Variants in PARD3B observed in about 807,000 individuals in gnomAD.
PARD3B encodes the protein par-3 family cell polarity regulator beta, also known as partitioning defective 3 homolog B.
A neutral mutation model predicts 130.2 loss-of-function variants in PARD3B; 103 were observed. The ratio of observed to expected loss-of-function variants is 0.79; its 90% CI spans 0.67 to 0.93. The LOEUF (loss-of-function observed/expected upper bound fraction) is 0.93. PARD3B is among the 40% of genes least tolerant of loss of function. The pLI is 0.00. For missense variants in PARD3B, 1,609 were observed against 1,499.2 expected, an observed-to-expected ratio of 1.07 and a Z score of -1.21; for synonymous variants, 583 against 553.2, an observed-to-expected ratio of 1.05 and a Z score of -0.76.
At chr2:204,684,817 C>T (rs546680834) in intron 1 of PARD3B, among the ~76,000 whole-genome samples, 1 of 152,150 alleles carries the variant, frequency 6.6e-6, no homozygotes, top group African/African-American at 2.4e-5. Context: ...CCTATAAACT[C>T]AGTATTAGAA....
chr2:204,573,748 TCTC>T (rs2032119749), intron 1 of PARD3B, among the ~76,000 whole-genome samples: 2 of 152,058 alleles, frequency 1.3e-5, no homozygotes, highest in Non-Finnish European at 2.9e-5. Flanking sequence ...GCCTTGCTCT[TCTC>T]CTTTCATTTT....
At position 204,606,963 on chromosome 2, in the gene PARD3B, A is replaced by G. The variant is rs1395677491; in HGVS notation, c.120+60844A>G. Among the ~76,000 whole-genome samples, 1 of 152,074 alleles carries G rather than the reference A, an allele frequency of 6.6e-6. No individual in the cohort carries two copies. Among genetic ancestry groups the G allele is most frequent in the East Asian group, 1.9e-4 (1 of 5,178 alleles). Reference sequence around the variant, plus strand: ...TTAAAGAAAGACATTGTTTTCTTGCACCTGTCCTCCACTTTGATTCTTGCT... The same window carrying G: ...TTAAAGAAAGACATTGTTTTCTTGCGCCTGTCCTCCACTTTGATTCTTGCT... On this transcript the variant is annotated intron_variant, in intron 1 of 22. Transcript: ENST00000406610. The surrounding 1 kb of genome is among the most constrained non-coding windows in gnomAD (Gnocchi z 4.0).
chr2:204,781,281 G>T (rs1020255437), intron 2 of PARD3B, among the ~76,000 whole-genome samples: 1 of 152,002 alleles, frequency 6.6e-6, no homozygotes, highest in African/African-American at 2.4e-5. Flanking sequence ...GCAAATTAAT[G>T]ACTTTCATGT....
chr2:205,310,577 G>T (rs576188834), intron 18 of PARD3B, among the ~76,000 whole-genome samples: 4 of 152,064 alleles, frequency 2.6e-5, no homozygotes, highest in Admixed American at 2.0e-4. Context: ...ACATATAAGT[G>T]AGGTCATATG....
At chr2:205,451,121 T>C (rs1192554342) in intron 20 of PARD3B, among the ~76,000 whole-genome samples, 1 of 152,148 alleles carries the variant, frequency 6.6e-6, no homozygotes, top group Non-Finnish European at 1.5e-5. Context: ...AGATGGCCTT[T>C]TTTCCTCTTC....
At chr2:205,018,070 T>C (rs993648950) in intron 3 of PARD3B, among the ~76,000 whole-genome samples, 3 of 152,196 alleles carry the variant, frequency 2.0e-5, no homozygotes, top group Non-Finnish European at 4.4e-5. Context: ...AGTATAAAAG[T>C]GAGTTCTCAC....
At chr2:204,650,117 A>G (rs1288479386) in intron 1 of PARD3B, among the ~76,000 whole-genome samples, 1 of 152,242 alleles carries the variant, frequency 6.6e-6, no homozygotes, top group East Asian at 1.9e-4. Context: ...ACTTTTCAAA[A>G]GAAGATATAC....
chr2:204,833,572 G>T (rs527325413), intron 2 of PARD3B, among the ~76,000 whole-genome samples: 9 of 152,176 alleles, frequency 5.9e-5, no homozygotes, highest in Admixed American at 4.6e-4. Context: ...GTTGAATCAT[G>T]GGTGTGGGTC....
At chr2:205,017,368 A>C (rs1370643048) in intron 3 of PARD3B, among the ~76,000 whole-genome samples, 2 of 152,156 alleles carry the variant, frequency 1.3e-5, no homozygotes, top group African/African-American at 2.4e-5. Context: ...CTTGCTTCTG[A>C]AGATCCACCT....
At chr2:205,408,808 C>T (rs747216670) in intron 19 of PARD3B, among the ~76,000 whole-genome samples, 1 of 152,086 alleles carries the variant, frequency 6.6e-6, no homozygotes, top group African/African-American at 2.4e-5. Flanking sequence ...CTGAATATCC[C>T]TATCTTTTGC....
chr2:205,272,171 A>C lies in PARD3B; in HGVS notation c.2185+26349A>C, dbSNP rs190104175. Among the ~76,000 whole-genome samples, 768 of 152,132 alleles carry C rather than the reference A, an allele frequency of 5.0e-3. 6 individuals carry two copies. Among genetic ancestry groups the C allele is most frequent in the African/African-American group, 0.018 (737 of 41,506 alleles). ...AGACTCTGTCTCAAAAAAAAAAAAA[A>C]AGAAGATGCTTTATTTTTGTCTTGT... On this transcript the variant is annotated intron_variant, in intron 16 of 22. Transcript: ENST00000406610.
At chr2:205,385,494 T>G (rs1227036887) in intron 18 of PARD3B, among the ~76,000 whole-genome samples, 1 of 152,160 alleles carries the variant, frequency 6.6e-6, no homozygotes, top group African/African-American at 2.4e-5. Flanking sequence ...ATAGAGGGCT[T>G]TCTGGAAAAA....
chr2:205,334,050 C>T (rs1230841586), intron 18 of PARD3B, among the ~76,000 whole-genome samples: 1 of 152,122 alleles, frequency 6.6e-6, no homozygotes, highest in African/African-American at 2.4e-5. Flanking sequence ...CCGTTAGCAA[C>T]AGTGATTGGA....
chr2:204,795,199 C>A (rs1204245308), intron 2 of PARD3B, among the ~76,000 whole-genome samples: 1 of 152,150 alleles, frequency 6.6e-6, no homozygotes, highest in African/African-American at 2.4e-5. Flanking sequence ...AGTAATACTT[C>A]TGGTGGATTA....
chr2:205,431,823 G>C (rs1197836398), intron 19 of PARD3B, among the ~76,000 whole-genome samples: 1 of 152,002 alleles, frequency 6.6e-6, no homozygotes, highest in Non-Finnish European at 1.5e-5. Flanking sequence ...TAACATAAAT[G>C]AAAGAAACAT....
rs1021188632 is a variant in PARD3B, at chr2:204,654,307, A to G, written c.121-31874A>G. 1.5e-4 allele frequency among the ~76,000 whole-genome samples: 23 copies of G among 151,318 alleles called. 1 individual carries two copies. The highest frequency in any genetic ancestry group is 5.4e-4 in the African/African-American group (22 of 40,590). On this transcript the variant is annotated intron_variant, in intron 1 of 22. Coordinates refer to ENST00000406610, the MANE Select transcript of PARD3B (RefSeq NM_001302769.2). ...GACAACCTAATGCAGGTTCTTGAAT[A>G]AAAGGGGTTAGTTTCTAATTTTGAT...
chr2:204,877,422 A>G (rs1156371440), intron 2 of PARD3B, among the ~76,000 whole-genome samples: 1 of 152,144 alleles, frequency 6.6e-6, no homozygotes. Context: ...AAGAAAATAC[A>G]GTACTCAGTG....
intron 4 of PARD3B, among the ~76,000 whole-genome samples, chr2:205,074,828 A>G (rs1700943697): frequency 6.6e-6 from 1 of 152,204 alleles, no homozygotes; most frequent in South Asian, 2.1e-4. Flanking sequence ...AATCCTTAAT[A>G]ATAACAATCT....
At chr2:205,327,787 C>T (rs1188176561) in intron 18 of PARD3B, among the ~76,000 whole-genome samples, 3 of 152,304 alleles carry the variant, frequency 2.0e-5, no homozygotes, top group Admixed American at 6.5e-5. Flanking sequence ...AAATACCTCA[C>T]TGACTGGTAC....
Sources: gnomAD v4.1 joint callset for allele counts (sites outside exome capture counted in the v4.1 genomes callset) on GRCh38, gnomAD v4.1.1 for gene constraint, Gnocchi (gnomAD v3.1) non-coding constraint, MANE v1.5 for transcripts, NCBI Gene and HGNC (gene_info 2026-07-23, HGNC 2026-07-21) for gene names.